Variants in GABBR2 observed in about 807,000 individuals in gnomAD.
GABBR2 encodes the protein gamma-aminobutyric acid type B receptor subunit 2, also known as G-protein coupled receptor 51.
GABBR2 carries 23 observed loss-of-function variants against 105.6 expected under a neutral mutation model. That is an observed-to-expected ratio of 0.22 (90% CI 0.16 to 0.31). The LOEUF (loss-of-function observed/expected upper bound fraction) is 0.31. Among genes scored for constraint, GABBR2 ranks in the 10% least tolerant of loss-of-function variants. GABBR2 has a pLI of 1.00. For synonymous variants in GABBR2, 478 were observed against 499.7 expected (o/e 0.96, Z 0.58); for missense variants, 734 against 1,245.5 (o/e 0.59, Z 6.18).
At chr9:98,513,648 A>G (rs1333752479) in intron 3 of GABBR2, among the ~76,000 whole-genome samples, 1 of 152,244 alleles carries the variant, frequency 6.6e-6, no homozygotes. Context: ...CAAAAAACAC[A>G]TGAAAAAATG....
At chr9:98,574,915 G>A (rs10986801) in intron 2 of GABBR2, among the ~76,000 whole-genome samples, 9 of 152,116 alleles carry the variant, frequency 5.9e-5, no homozygotes, top group Admixed American at 4.6e-4. Flanking sequence ...TGGACAAAGC[G>A]TCCATCTTCA....
At chr9:98,545,201 C>T (rs1048781988) in intron 2 of GABBR2, among the ~76,000 whole-genome samples, 1 of 152,120 alleles carries the variant, frequency 6.6e-6, no homozygotes, top group African/African-American at 2.4e-5. Flanking sequence ...GGGTAATTAC[C>T]GTGGTTACTG....
intron 2 of GABBR2, among the ~76,000 whole-genome samples, chr9:98,559,409 C>T (rs886847744): frequency 8.5e-5 from 13 of 152,182 alleles, no homozygotes; most frequent in African/African-American, 2.7e-4. Context: ...GGATTACAGG[C>T]GTGAGCCATA....
chr9:98,469,653 C>T (rs1427367470), intron 6 of GABBR2, among the ~76,000 whole-genome samples: 1 of 152,216 alleles, frequency 6.6e-6, no homozygotes, highest in Non-Finnish European at 1.5e-5. Flanking sequence ...TGCAAAACCC[C>T]CCTTTTCCAA....
chr9:98,660,928 T>C (rs1422126236), intron 1 of GABBR2, among the ~76,000 whole-genome samples: 2 of 152,210 alleles, frequency 1.3e-5, no homozygotes, highest in African/African-American at 4.8e-5. Context: ...TTGTTTGAAA[T>C]GGAGTCTCGC....
chr9:98,663,171 G>A (rs1248775059), intron 1 of GABBR2, among the ~76,000 whole-genome samples: 1 of 145,646 alleles, frequency 6.9e-6, no homozygotes, highest in African/African-American at 2.5e-5. Context: ...ACAGTGGAGG[G>A]AGAAATCACA....
At position 98,626,654 on chromosome 9, in the gene GABBR2, C is replaced by T. The variant is rs983934723; in HGVS notation, c.322-48582G>A. ...GTTGGAGTTAGATTATGTAAATAGC[C>T]GTACTTGAAAAGGCTTGGCTCATTA... is the stretch of plus-strand genomic sequence containing the variant. On this transcript the variant is annotated intron_variant, in intron 1 of 18. Coordinates refer to ENST00000259455, the MANE Select transcript of GABBR2 (RefSeq NM_005458.8). Among the ~76,000 whole-genome samples the T allele has an allele frequency of 4.6e-5, 7 of 152,036 alleles. No homozygotes were observed. The East Asian group carries it at 7.7e-4, about 17-fold the overall frequency.
intron 1 of GABBR2, among the ~76,000 whole-genome samples, chr9:98,656,895 T>C (rs1385874124): frequency 6.6e-6 from 1 of 152,166 alleles, no homozygotes; most frequent in Non-Finnish European, 1.5e-5. Flanking sequence ...AACAGGCAGC[T>C]GGGTAGGGGT....
intron 1 of GABBR2, among the ~76,000 whole-genome samples, chr9:98,671,054 T>C (rs1588276925): frequency 6.6e-6 from 1 of 152,194 alleles, no homozygotes; most frequent in Non-Finnish European, 1.5e-5. Flanking sequence ...CCCAGACCTA[T>C]TTTTTAAAAG....
intron 7 of GABBR2, among the ~76,000 whole-genome samples, chr9:98,411,351 C>T (rs1832587968): frequency 6.6e-6 from 1 of 152,196 alleles, no homozygotes; most frequent in Non-Finnish European, 1.5e-5. Flanking sequence ...ATATTGCCAT[C>T]CATGTGAGCT....
At chr9:98,501,822 A>C (rs1363541117) in intron 3 of GABBR2, among the ~76,000 whole-genome samples, 1 of 152,194 alleles carries the variant, frequency 6.6e-6, no homozygotes, top group East Asian at 1.9e-4. Context: ...CACATTTTTC[A>C]TAAAGCTAAG....
chr9:98,542,069 T>C lies in GABBR2; in HGVS notation c.460-26A>G, dbSNP rs768289536. Reference sequence around the variant, plus strand: ...CTGAAAAACACAAAAGAGACAACGCTTTTTACTGATGAGCCTCACAGCTGT... The same window carrying C: ...CTGAAAAACACAAAAGAGACAACGCCTTTTACTGATGAGCCTCACAGCTGT... On this transcript the variant is annotated intron_variant, in intron 2 of 18. Coordinates refer to ENST00000259455, the MANE Select transcript of GABBR2 (RefSeq NM_005458.8). 2.5e-6 allele frequency: 4 copies of C among 1,601,766 alleles called. No homozygotes were observed. The South Asian group carries it at 3.3e-5, about 13-fold the overall frequency.
intron 5 of GABBR2, 86 bp downstream of exon 5, chr9:98,480,846 C>T: frequency 1.2e-6 from 1 of 809,952 alleles, no homozygotes; most frequent in African/African-American, 1.7e-5. Flanking sequence ...TGATCCCACT[C>T]ACAGACTGAG....
intron 17 of GABBR2, among the ~76,000 whole-genome samples, chr9:98,297,748 G>A (rs1021901491): frequency 1.6e-4 from 24 of 151,242 alleles, no homozygotes; most frequent in African/African-American, 5.1e-4. Context: ...GTGGCCAGGC[G>A]TGGTGGCTCA....
chr9:98,343,726 C>T (rs1168079636), intron 13 of GABBR2, among the ~76,000 whole-genome samples: 2 of 151,986 alleles, frequency 1.3e-5, no homozygotes, highest in Non-Finnish European at 2.9e-5. Context: ...GGTATGGTGG[C>T]GGACGCCTGT....
intron 1 of GABBR2, among the ~76,000 whole-genome samples, chr9:98,682,366 C>CTTCTTTTTTTT (rs1830561030): frequency 5.7e-5 from 3 of 52,226 alleles, no homozygotes; most frequent in African/African-American, 2.2e-4. Context: ...ATTTTACCAT[C>CTTCTTTTTTTT]TTTTTTTTTT....
At chr9:98,702,015 A>T (rs1020957743) in intron 1 of GABBR2, among the ~76,000 whole-genome samples, 1 of 152,006 alleles carries the variant, frequency 6.6e-6, no homozygotes, top group African/African-American at 2.4e-5. Flanking sequence ...GGATCATCTC[A>T]TTTGTCCCTT....
rs1349646311 is a variant in GABBR2 at position 98,397,386 on chromosome 9, G to C, written c.1298-3131C>G. 2.6e-5 allele frequency among the ~76,000 whole-genome samples: 4 copies of C among 151,682 alleles called. No homozygotes were observed. In the East Asian group the frequency reaches 7.7e-4, roughly 29 times the overall value. On this transcript the variant is annotated intron_variant, in intron 8 of 18. Coordinates refer to ENST00000259455, the MANE Select transcript of GABBR2 (RefSeq NM_005458.8). ...GGACACCCATTACGTGCCAGGCTCT[G>C]GGCTAGGGGCCAGAGATACAGAGAT...
intron 13 of GABBR2, among the ~76,000 whole-genome samples, chr9:98,324,568 C>T (rs1020182744): frequency 6.6e-6 from 1 of 150,996 alleles, no homozygotes. Context: ...GAACAATATA[C>T]TCATTTCATT....
Sources: allele counts gnomAD v4.1 joint callset (sites outside exome capture counted in the v4.1 genomes callset), GRCh38; gene constraint gnomAD v4.1.1; transcripts MANE v1.5; gene names NCBI Gene and HGNC (gene_info 2026-07-23, HGNC 2026-07-21).